PYROXD2: variants seen among roughly 807,000 people sequenced by gnomAD.
The protein encoded by PYROXD2 is pyridine nucleotide-disulfide oxidoreductase domain-containing protein 2.
Under a neutral mutation model 71.1 loss-of-function variants are expected in PYROXD2, and 69 were observed. The observed-to-expected ratio is 0.97, with a 90% confidence interval of 0.80 to 1.19. PYROXD2 has a LOEUF of 1.19. PYROXD2 is among the 50% of genes most tolerant of loss of function. The pLI is 0.00. For missense variants in PYROXD2, 745 were observed against 748.9 expected (o/e 0.99, Z 0.06); for synonymous variants, 287 against 302.7 (o/e 0.95, Z 0.54).
chr10:98,405,823 C>G (rs545450144), intron 4 of PYROXD2, among the ~76,000 whole-genome samples: 18 of 152,230 alleles, frequency 1.2e-4, no homozygotes, highest in Middle Eastern at 3.2e-3. Context: ...GAGTAGGAGA[C>G]AGTCAGGCCT....
At chr10:98,391,649 C>T (rs1268148545) in intron 10 of PYROXD2, among the ~76,000 whole-genome samples, 1 of 152,196 alleles carries the variant, frequency 6.6e-6, no homozygotes, top group African/African-American at 2.4e-5. Context: ...CACTCTGACT[C>T]TAGGCTTGGC....
chr10:98,400,869 C>T (rs1422812873), intron 4 of PYROXD2, among the ~76,000 whole-genome samples: 1 of 152,180 alleles, frequency 6.6e-6, no homozygotes, highest in African/African-American at 2.4e-5. Context: ...CACACATAGG[C>T]TGTGGGGTGT....
rs778010316 is a variant in PYROXD2 at position 98,392,530 on chromosome 10, C to A, written c.964G>T (p.Val322Phe). ...CCATCTTCCAGCACAACTCCTTGAA[C>A]ACAGCCTTCACTGTTCACCTGCACC... Reference protein sequence around the residue: ...AKVQVNSEGCVQGVVLEDGTE... With the variant: ...AKVQVNSEGCFQGVVLEDGTE... Residue 322 changes from valine to phenylalanine, a missense_variant, in exon 10 of 16, where the codon GTT becomes TTT. By Grantham distance (50) the Val-to-Phe change is conservative. Coordinates refer to ENST00000370575, the MANE Select transcript of PYROXD2 (RefSeq NM_032709.3). The A allele has an allele frequency of 3.1e-6, 5 of 1,613,184 alleles. No individual in the cohort carries two copies. Among genetic ancestry groups the A allele is most frequent in the Non-Finnish European group, 4.2e-6 (5 of 1,180,036 alleles).
rs750786029 is a variant in PYROXD2, at chr10:98,407,977, C to T, written c.168G>A (p.Leu56=). ...GLVAAAYLQR[L]GVNTAVFERR... is the part of the protein sequence containing the mutation. ...TCTCGAAGACGGCGGTGTTCACCCC[C>T]AGTCTCTGCAGGTACGCTGCCTGGG... is the stretch of plus-strand genomic sequence containing the variant. The change falls in exon 3 of 16, where the codon CTG becomes CTA. Residue 56 remains leucine (L), a synonymous_variant. Transcript: ENST00000370575. 1.9e-6 allele frequency: 3 copies of T among 1,607,206 alleles called. No homozygotes were observed. The highest frequency in any genetic ancestry group is 1.7e-5 in the Admixed American group (1 of 59,490).
Position 98,387,243 on chromosome 10 carries a change from G to A in PYROXD2, c.1512C>T (p.Leu504=), listed in dbSNP as rs376868556. 6 of 1,614,086 alleles carry A rather than the reference G, an allele frequency of 3.7e-6. No homozygotes were observed. The highest frequency in any genetic ancestry group is 5.1e-6 in the Non-Finnish European group (6 of 1,180,042). ...AGATTCTCTCCAAATCTGGTGGTGT[G>A]AGGATGTCTCTGCCAACCACAGAGT... ...FKDSVVGRDI[L]TPPDLERIFG... The change falls in exon 14 of 16, where the codon CTC becomes CTT. Residue 504 remains leucine, a synonymous_variant. Coordinates refer to ENST00000370575, the MANE Select transcript of PYROXD2 (RefSeq NM_032709.3).
chr10:98,407,610 G>C lies in PYROXD2; in HGVS notation c.287C>G (p.Pro96Arg). 1.2e-6 allele frequency: 2 copies of C among 1,613,664 alleles called. No individual in the cohort carries two copies. The highest frequency in any genetic ancestry group is 1.7e-6 in the Non-Finnish European group (2 of 1,179,828). ...RASYLLSLLR[P>R]QIYTDLELKK... Reference sequence around the variant, plus strand: ...CAGCTCCAGATCAGTGTAAATCTGCGGCCTCAGCAGGCTGAGCAGGTAGGA... The same window carrying C: ...CAGCTCCAGATCAGTGTAAATCTGCCGCCTCAGCAGGCTGAGCAGGTAGGA... Residue 96 changes from proline (P) to arginine (R), a missense_variant, in exon 4 of 16, where the codon CCG becomes CGG. Pro to Arg is a moderately radical substitution (Grantham distance 103). Transcript: ENST00000370575.
chr10:98,414,552 G>A (rs904907750), intron 1 of PYROXD2, among the ~76,000 whole-genome samples: 3 of 152,278 alleles, frequency 2.0e-5, no homozygotes, highest in African/African-American at 7.2e-5. Flanking sequence ...TTCTTGTGAC[G>A]AGGGGTGGCC....
At chr10:98,392,893 G>C in intron 9 of PYROXD2, 49 bp downstream of exon 9, 1 of 1,592,296 alleles carries the variant, frequency 6.3e-7, no homozygotes, top group Non-Finnish European at 8.6e-7. Context: ...ACTTTGTTCT[G>C]TCCTGGGATC....
chr10:98,407,446 A>T, intron 4 of PYROXD2, 136 bp downstream of exon 4: 2 of 1,008,826 alleles, frequency 2.0e-6, no homozygotes, highest in South Asian at 1.5e-5. Flanking sequence ...CACGTGGGAT[A>T]CACAAGACTT....
intron 2 of PYROXD2, 111 bp from the exon 3 acceptor site, chr10:98,408,108 AC>A: frequency 1.1e-6 from 1 of 917,438 alleles, no homozygotes. Context: ...TATGGGCCAC[AC>A]CCCATGGCCT....
intron 15 of PYROXD2, among the ~76,000 whole-genome samples, 159 bp downstream of exon 15, chr10:98,384,788 T>C (rs1481563355): frequency 6.6e-6 from 1 of 152,210 alleles, no homozygotes; most frequent in African/African-American, 2.4e-5. Context: ...TGCTCACCTG[T>C]GCATGGATAA....
chr10:98,391,109 C>T lies in PYROXD2; in HGVS notation c.1063-27G>A, dbSNP rs748526611. 11 of 1,439,034 alleles carry T rather than the reference C, an allele frequency of 7.6e-6. No individual in the cohort carries two copies. The South Asian group carries it at 8.0e-5, about 10-fold the overall frequency. The allele number at this position is 1,439,034 out of a possible 1,614,324, so 89.1% of individuals were successfully genotyped here. A position where few individuals can be genotyped will look rare whatever the true frequency, so the allele number is the denominator to read the frequency against. Reference sequence around the variant, plus strand: ...TGGAAGGAGAAGGCTCCATGAAAGGCCTCAGATGTCCAAGGCCCCAAGGAA... The same window carrying T: ...TGGAAGGAGAAGGCTCCATGAAAGGTCTCAGATGTCCAAGGCCCCAAGGAA... On this transcript the variant is annotated intron_variant, in intron 10 of 15. Transcript: ENST00000370575.
At chr10:98,390,053 A>G (rs1177616592) in intron 12 of PYROXD2, among the ~76,000 whole-genome samples, 2 of 151,348 alleles carry the variant, frequency 1.3e-5, no homozygotes, top group South Asian at 4.2e-4. Flanking sequence ...GCCCATACCC[A>G]GTACAGAGTC....
chr10:98,383,950 A>C, intron 15 of PYROXD2, 82 bp from the exon 16 acceptor site: 1 of 1,252,754 alleles, frequency 8.0e-7, no homozygotes, highest in Non-Finnish European at 1.2e-6. Context: ...ACAGAGATCC[A>C]GCAACAAAGC....
At chr10:98,405,127 G>T (rs1438849616) in intron 4 of PYROXD2, among the ~76,000 whole-genome samples, 3 of 152,200 alleles carry the variant, frequency 2.0e-5, no homozygotes, top group Non-Finnish European at 4.4e-5. Context: ...CCAGTGCAAA[G>T]GCTCTGCCCT....
In PYROXD2 at chr10:98,415,066, T is replaced by C. The variant is rs779780823; in HGVS notation, c.70A>G (p.Asn24Asp). The C allele has an allele frequency of 2.4e-5, 38 of 1,614,104 alleles. No individual in the cohort carries two copies. The highest frequency in any genetic ancestry group is 3.2e-5 in the Non-Finnish European group (38 of 1,179,972). Residue 24 changes from asparagine to aspartate, a missense_variant, in exon 1 of 16, where the codon AAC becomes GAC. Physicochemically the swap from Asn to Asp is conservative, Grantham distance 23 (BLOSUM62 1). Transcript: ENST00000370575. ...TTCAGACCTCCCCTGGCTTCCGTGT[T>C]ATCTCGTCTCCACGCCGGGAAGGGA... Reference protein sequence around the residue: ...ASPFPAWRRDNTEARGGLKPE... With the variant: ...ASPFPAWRRDDTEARGGLKPE...
chr10:98,386,557 A>T (rs200445251), intron 14 of PYROXD2, among the ~76,000 whole-genome samples: 199 of 80,444 alleles, frequency 2.5e-3, no homozygotes, highest in African/African-American at 0.011. Flanking sequence ...TTTTTTTTTA[A>T]ATTTTCTTTC....
intron 2 of PYROXD2, among the ~76,000 whole-genome samples, chr10:98,410,094 A>T (rs912820287): frequency 1.6e-5 from 1 of 64,306 alleles, no homozygotes; most frequent in Non-Finnish European, 2.7e-5. Flanking sequence ...AAATTAAAAT[A>T]AAATAAAATA....
At chr10:98,394,264 C>T (rs1843062480) in intron 8 of PYROXD2, among the ~76,000 whole-genome samples, 1 of 152,086 alleles carries the variant, frequency 6.6e-6, no homozygotes, top group South Asian at 2.1e-4. Context: ...GTTAAGCCTC[C>T]CAGGGATCCG....
Sources: allele counts gnomAD v4.1 joint callset (sites outside exome capture counted in the v4.1 genomes callset), GRCh38; gene constraint gnomAD v4.1.1; transcripts MANE v1.5; gene names NCBI Gene and HGNC (gene_info 2026-07-23, HGNC 2026-07-21).